The following SLCO1A2 variants were observed in gnomAD, a reference collection of about 807,000 sequenced individuals.
The protein encoded by SLCO1A2 is solute carrier organic anion transporter family member 1A2, also known as OATP-1.
Under a neutral mutation model 69.0 loss-of-function variants are expected in SLCO1A2, and 67 were observed. The ratio of observed to expected loss-of-function variants is 0.97; its 90% CI spans 0.80 to 1.19. The LOEUF (loss-of-function observed/expected upper bound fraction) is 1.19. Ranked by LOEUF, SLCO1A2 falls within the 50% of genes most tolerant of loss-of-function variation. SLCO1A2 has a pLI of 0.00. For missense variants in SLCO1A2, 787 were observed against 793.7 expected (o/e 0.99, Z 0.10); for synonymous variants, 260 against 265.9 (o/e 0.98, Z 0.22).
chr12:21,359,784 C>T (rs1938677936), intron 2 of SLCO1A2, among the ~76,000 whole-genome samples: 1 of 152,064 alleles, frequency 6.6e-6, no homozygotes, highest in African/African-American at 2.4e-5. Context: ...CTTACCTCTC[C>T]TTACATACTT....
At position 21,266,300 on chromosome 12, in the gene SLCO1A2, A is replaced by C. The variant is rs1942060685; in HGVS notation, c.*3248T>G. 1 of 152,146 alleles carries C rather than the reference A, an allele frequency of 6.6e-6. No individual in the cohort carries two copies. The highest frequency in any genetic ancestry group is 2.4e-5 in the African/African-American group (1 of 41,436). The allele number at this position is 152,146 out of a possible 1,614,324, so 9.4% of individuals were successfully genotyped here. On this transcript the variant is annotated 3_prime_UTR_variant, in exon 15 of 15. Coordinates refer to ENST00000683939, the MANE Select transcript of SLCO1A2 (RefSeq NM_001386879.1). Reference sequence around the variant, plus strand: ...GAATTTCCACGGAAAATCCCACTTCAGACTCTACTCCTTGTTGAACTGATT... The same window carrying C: ...GAATTTCCACGGAAAATCCCACTTCCGACTCTACTCCTTGTTGAACTGATT...
chr12:21,400,278 G>A (rs1941644232), upstream of SLCO1A2, among the ~76,000 whole-genome samples: 1 of 152,160 alleles, frequency 6.6e-6, no homozygotes, highest in African/African-American at 2.4e-5. Context: ...GTGAAAAAAT[G>A]CTCATCATCA....
At position 21,356,266 on chromosome 12, in the gene SLCO1A2, C is replaced by T. The variant is rs550114588; in HGVS notation, c.-63+18133G>A. Among the ~76,000 whole-genome samples, 4 of 151,888 alleles carry T rather than the reference C, an allele frequency of 2.6e-5. No homozygotes were observed. The East Asian group carries it at 7.7e-4, about 29-fold the overall frequency. ...GAATAAAGTCTGGTAATATTAAGCA[C>T]TATGGAATAATTATCATTATTAATA... On this transcript the variant is annotated intron_variant, in intron 2 of 15. Coordinates refer to the SLCO1A2 transcript ENST00000307378.
At chr12:21,387,393 G>T (rs1408362414) in intron 1 of SLCO1A2, among the ~76,000 whole-genome samples, 1 of 152,102 alleles carries the variant, frequency 6.6e-6, no homozygotes, top group African/African-American at 2.4e-5. Context: ...ATGATTTCCT[G>T]GGCCAGGTCC....
At chr12:21,372,798 T>G (rs1286775510) in intron 2 of SLCO1A2, 1 of 158,708 alleles carries the variant, frequency 6.3e-6, no homozygotes, top group Admixed American at 6.2e-5. Context: ...GTACTTTCTA[T>G]CTATAGGGAT....
chr12:21,300,604 G>A (rs760413590), intron 7 of SLCO1A2, 35 bp from the exon 8 acceptor site: 13 of 1,472,610 alleles, frequency 8.8e-6, no homozygotes, highest in African/African-American at 4.2e-5. Flanking sequence ...ATTAGCTTAA[G>A]TCAGTATTTT....
In SLCO1A2 at chr12:21,304,571, ACT is replaced by A. The variant is rs1181670641; in HGVS notation, c.443_444del (p.Glu148ValfsTer6). On this transcript the variant is annotated frameshift_variant and splice_region_variant, in exon 6 of 15. Coordinates refer to ENST00000683939, the MANE Select transcript of SLCO1A2 (RefSeq NM_001386879.1). LOFTEE classifies it high-confidence loss of function. ...ATTAATGATTTAACTTCCTTTGTAC[ACT>A]CTGCATTAAAAAAAAAAGACATGAC... The part of the protein sequence containing the change: ...QILRPTQDPS[E>X]CTKEVKSLMW... 6.3e-7 allele frequency: 1 copy of A among 1,580,092 alleles called. No individual in the cohort carries two copies. Among genetic ancestry groups the A allele is most frequent in the East Asian group, 2.3e-5 (1 of 44,110 alleles).
intron 9 of SLCO1A2, among the ~76,000 whole-genome samples, chr12:21,297,163 A>G (rs1255731494): frequency 6.6e-6 from 1 of 152,100 alleles, no homozygotes; most frequent in Non-Finnish European, 1.5e-5. Context: ...AAGAAAATCA[A>G]GGTATTTCTG....
At chr12:21,292,941 A>G (rs1947111557) in intron 11 of SLCO1A2, among the ~76,000 whole-genome samples, 1 of 152,216 alleles carries the variant, frequency 6.6e-6, no homozygotes, top group Non-Finnish European at 1.5e-5. Context: ...ACATTGGACA[A>G]ACAAAATCTG....
chr12:21,419,086 G>C (rs1240630555), upstream of SLCO1A2: 1 of 152,088 alleles, frequency 6.6e-6, no homozygotes, highest in Non-Finnish European at 1.5e-5. Flanking sequence ...GGAAGACTCT[G>C]GTTACTATTT....
intron 12 of SLCO1A2, among the ~76,000 whole-genome samples, chr12:21,276,142 G>C (rs1410544320): frequency 6.6e-6 from 1 of 152,042 alleles, no homozygotes; most frequent in Non-Finnish European, 1.5e-5. Context: ...AGATGTGTAA[G>C]GTTTGGAAGT....
intron 4 of SLCO1A2, among the ~76,000 whole-genome samples, chr12:21,310,883 G>C (rs142015884): frequency 7.9e-5 from 12 of 152,260 alleles, no homozygotes; most frequent in Admixed American, 7.2e-4. Flanking sequence ...GATTATAGGC[G>C]TGAGCCACCG....
At chr12:21,407,154 G>A (rs1941834934) in intron 1 of SLCO1A2, among the ~76,000 whole-genome samples, 1 of 152,060 alleles carries the variant, frequency 6.6e-6, no homozygotes, top group Admixed American at 6.6e-5. Context: ...GGAGTGGACT[G>A]GAAAGATCCT....
At chr12:21,282,025 A>T (rs2136185728) in intron 12 of SLCO1A2, among the ~76,000 whole-genome samples, 1 of 152,124 alleles carries the variant, frequency 6.6e-6, no homozygotes, top group South Asian at 2.1e-4. Context: ...ATATACTCAA[A>T]CTATTCTGAA....
chr12:21,289,104 T>C (rs1946419408), intron 12 of SLCO1A2, among the ~76,000 whole-genome samples: 1 of 151,090 alleles, frequency 6.6e-6, no homozygotes, highest in Non-Finnish European at 1.5e-5. Context: ...TTCATATCTC[T>C]ATATATTTGC....
At chr12:21,417,174 A>T (rs186089361) in intron 1 of SLCO1A2, among the ~76,000 whole-genome samples, 1 of 152,216 alleles carries the variant, frequency 6.6e-6, no homozygotes, top group East Asian at 1.9e-4. Context: ...CTAAGCAAAG[A>T]AAAAAAGCAA....
rs1482544260 is a variant in SLCO1A2, at chr12:21,275,401, G to T, written c.1634C>A (p.Ser545Tyr). 6.6e-7 allele frequency: 1 copy of T among 1,522,218 alleles called. No individual in the cohort carries two copies. 94.3% of individuals were successfully genotyped at this position (1,522,218 alleles called of 1,614,324 possible). Residue 545 changes from serine to tyrosine, a missense_variant, in exon 13 of 15, where the codon TCC becomes TAC. Transcript: ENST00000683939. ...LLRCMKSEEK[S>Y]LGVGLHTFCT... ...AAATGTATGTAATCCCACACCAAGGGACTTCTCTTCAGATTTCATACACCT... is the reference window on the plus strand; with the variant it reads ...AAATGTATGTAATCCCACACCAAGGTACTTCTCTTCAGATTTCATACACCT...
At chr12:21,300,242 A>G (rs1948534474) in intron 8 of SLCO1A2, 106 bp downstream of exon 8, 1 of 722,178 alleles carries the variant, frequency 1.4e-6, no homozygotes, top group Non-Finnish European at 2.2e-6. Flanking sequence ...GTTGATGACA[A>G]ATTGTCTCAA....
intron 2 of SLCO1A2, among the ~76,000 whole-genome samples, chr12:21,342,737 TTAGA>T (rs1214797930): frequency 1.3e-5 from 2 of 152,210 alleles, no homozygotes; most frequent in East Asian, 3.9e-4. Context: ...ATTAAACATT[TTAGA>T]TAGAATCATC....
Sources: gnomAD v4.1 joint callset for allele counts (sites outside exome capture counted in the v4.1 genomes callset) on GRCh38, gnomAD v4.1.1 for gene constraint, MANE v1.5 for transcripts, NCBI Gene and HGNC (gene_info 2026-07-23, HGNC 2026-07-21) for gene names.